UGT1A8: variants seen among roughly 807,000 people sequenced by gnomAD.
UGT1A8 encodes the protein UDP-glucuronosyltransferase 1A8.
In UGT1A8, 39 loss-of-function variants were observed where a neutral mutation model predicts 45.3. The observed-to-expected ratio is 0.86, with a 90% CI of 0.67 to 1.12. UGT1A8 has a LOEUF of 1.12. Among genes scored for constraint, UGT1A8 ranks in the 50% most tolerant of loss-of-function variants. The pLI is 0.00. For missense variants in UGT1A8, 719 were observed against 664.9 expected (o/e 1.08, Z -0.90); for synonymous variants, 275 against 249.2 (o/e 1.10, Z -0.97).
At chr2:233,724,932 T>A (rs1473409991) in intron 1 of UGT1A8, among the ~76,000 whole-genome samples, 3 of 142,946 alleles carry the variant, frequency 2.1e-5, no homozygotes, top group African/African-American at 8.1e-5. Flanking sequence ...TGAACGAGAC[T>A]CCGTCTGCAA....
rs1384972037 is a variant in UGT1A8 at position 233,682,194 on chromosome 2, A to G, written c.855+63632A>G. 1.2e-6 allele frequency: 2 copies of G among 1,614,130 alleles called. No individual in the cohort carries two copies. Among genetic ancestry groups the G allele is most frequent in the East Asian group, 2.2e-5 (1 of 44,902 alleles). On this transcript the variant is annotated intron_variant, in intron 1 of 4. Transcript: ENST00000373450. ...TCAACCTCATACACTCTGGAGGATC[A>G]GGACCGGGAGTTCATGGTTTTTGCC...
chr2:233,755,178 T>A, intron 1 of UGT1A8: 1 of 1,236,812 alleles, frequency 8.1e-7, no homozygotes, highest in Non-Finnish European at 1.1e-6. Flanking sequence ...TTTGTCGGGG[T>A]GCCACTTGAG....
At position 233,618,049 on chromosome 2, in the gene UGT1A8, T is replaced by C; in HGVS notation, c.342T>C (p.Asn114=). 3 of 1,614,104 alleles carry C rather than the reference T, an allele frequency of 1.9e-6. No homozygotes were observed. The highest frequency in any genetic ancestry group is 3.3e-4 in the Middle Eastern group (2 of 6,062). Residue 114 remains asparagine, a synonymous_variant, in exon 1 of 5, where the codon AAT becomes AAC. Coordinates refer to ENST00000373450, the MANE Select transcript of UGT1A8 (RefSeq NM_019076.5). ...SLFSLFLSSS[N]GFFNLFFSHC... is the part of the protein sequence containing the mutation. ...TTTCTCTATTTCTGAGTTCATCCAA[T>C]GGTTTTTTTAACTTATTTTTTTCGC...
Position 233,768,353 on chromosome 2 carries a change from T to C in UGT1A8, c.1209T>C (p.Thr403=). The change falls in exon 4 of 5, where the codon ACT becomes ACC. Residue 403 remains threonine, a synonymous_variant. Coordinates refer to ENST00000373450, the MANE Select transcript of UGT1A8 (RefSeq NM_019076.5). ...TGGACAATGCAAAGCGCATGGAGAC[T>C]AAGGGAGCTGGAGTGACCCTGAATG... is the stretch of plus-strand genomic sequence containing the variant. ...DQMDNAKRME[T]KGAGVTLNVL... is the part of the protein sequence containing the mutation. 6.2e-7 allele frequency: 1 copy of C among 1,614,150 alleles called. No individual in the cohort carries two copies. The highest frequency in any genetic ancestry group is 1.1e-5 in the South Asian group (1 of 91,082).
intron 1 of UGT1A8, among the ~76,000 whole-genome samples, chr2:233,705,897 G>A (rs557089333): frequency 4.5e-4 from 68 of 152,196 alleles, no homozygotes; most frequent in South Asian, 2.5e-3. Context: ...AGACTGCCCT[G>A]GCCAAAATAG....
chr2:233,621,879 C>T (rs2073013334), intron 1 of UGT1A8, among the ~76,000 whole-genome samples: 1 of 152,146 alleles, frequency 6.6e-6, no homozygotes, highest in South Asian at 2.1e-4. Flanking sequence ...ATCCCTTCCT[C>T]AGCCCCCCAC....
intron 1 of UGT1A8, chr2:233,648,961 C>T: frequency 1.4e-6 from 2 of 1,438,230 alleles, no homozygotes; most frequent in Non-Finnish European, 1.9e-6. Flanking sequence ...GTATCCCAAA[C>T]CTGTGATGCC....
At chr2:233,648,639 T>C in intron 1 of UGT1A8, 1 of 237,904 alleles carries the variant, frequency 4.2e-6, no homozygotes, top group East Asian at 1.1e-4. Context: ...TTTTTTTTTG[T>C]ATTTTTAGTG....
chr2:233,629,492 T>G (rs1489504762), intron 1 of UGT1A8, among the ~76,000 whole-genome samples: 1 of 152,156 alleles, frequency 6.6e-6, no homozygotes, highest in Admixed American at 6.6e-5. Context: ...AATCTTTTTG[T>G]GTAGTACCTA....
At chr2:233,686,759 T>C (rs1195902114) in intron 1 of UGT1A8, among the ~76,000 whole-genome samples, 3 of 152,202 alleles carry the variant, frequency 2.0e-5, no homozygotes, top group African/African-American at 7.2e-5. Context: ...TCACTGGCTT[T>C]ATTTTATGCA....
At chr2:233,745,472 G>T (rs1454081365) in intron 1 of UGT1A8, among the ~76,000 whole-genome samples, 5 of 151,704 alleles carry the variant, frequency 3.3e-5, no homozygotes, top group Non-Finnish European at 7.4e-5. Flanking sequence ...AGGGGAAAAT[G>T]ATTAACCAAA....
chr2:233,752,472 A>C (rs185071344), intron 1 of UGT1A8: 1 of 152,238 alleles, frequency 6.6e-6, no homozygotes, highest in Non-Finnish European at 1.5e-5. Context: ...GGCCTCTAGC[A>C]GTGTTATGTT....
At chr2:233,638,110 G>A (rs1425533778) in intron 1 of UGT1A8, among the ~76,000 whole-genome samples, 2 of 152,156 alleles carry the variant, frequency 1.3e-5, no homozygotes, top group African/African-American at 2.4e-5. Context: ...AGGGTTACAG[G>A]GTTTTCCTGA....
chr2:233,729,290 G>A, intron 1 of UGT1A8: 1 of 1,614,236 alleles, frequency 6.2e-7, no homozygotes, highest in Admixed American at 1.7e-5. Context: ...CATGCCAGAG[G>A]CCACCAGGCA....
chr2:233,661,139 T>A (rs2073955068), intron 1 of UGT1A8, among the ~76,000 whole-genome samples: 1 of 151,540 alleles, frequency 6.6e-6, no homozygotes, highest in Admixed American at 6.6e-5. Context: ...ACAAATTATC[T>A]ATGGATGTAA....
chr2:233,716,632 A>G (rs1442427845), intron 1 of UGT1A8, among the ~76,000 whole-genome samples: 1 of 152,158 alleles, frequency 6.6e-6, no homozygotes, highest in Non-Finnish European at 1.5e-5. Flanking sequence ...TGAAGTTTTT[A>G]TCGTTTGTAC....
At chr2:233,755,334 C>A (rs1041656249) in intron 1 of UGT1A8, 2 of 456,396 alleles carry the variant, frequency 4.4e-6, no homozygotes, top group Non-Finnish European at 7.5e-6. Flanking sequence ...AGCACCCGCG[C>A]ACAGGTCAGA....
intron 1 of UGT1A8, chr2:233,754,468 G>A: frequency 1.1e-5 from 4 of 357,086 alleles, no homozygotes; most frequent in Non-Finnish European, 1.7e-5. Context: ...TGTTCTGAAA[G>A]TAAAGTTCAC....
At chr2:233,670,827 C>A (rs560879388) in intron 1 of UGT1A8, among the ~76,000 whole-genome samples, 1 of 152,094 alleles carries the variant, frequency 6.6e-6, no homozygotes, top group Admixed American at 6.6e-5. Context: ...TTTGAAAGAC[C>A]GTCTCTTACT....
Sources: allele counts gnomAD v4.1 joint callset (sites outside exome capture counted in the v4.1 genomes callset), GRCh38; gene constraint gnomAD v4.1.1; transcripts MANE v1.5; gene names NCBI Gene and HGNC (gene_info 2026-07-23, HGNC 2026-07-21).